The following MINK1 variants were observed in gnomAD, a reference collection of about 807,000 sequenced individuals.
MINK1 encodes the protein misshapen-like kinase 1.
MINK1 carries 46 observed loss-of-function variants against 178.4 expected under a neutral mutation model. The observed-to-expected ratio is 0.26, with a 90% CI of 0.20 to 0.33. The LOEUF (loss-of-function observed/expected upper bound fraction) is 0.33, where lower values mean the gene tolerates loss of function less well. Among genes scored for constraint, MINK1 ranks in the 10% least tolerant of loss-of-function variants. The probability of loss-of-function intolerance (pLI) is 1.00; values close to 1 mark genes in which losing one functional copy is unlikely to be tolerated. For missense variants in MINK1, 1,366 were observed against 1,814.9 expected (o/e 0.75, Z 4.49); for synonymous variants, 797 against 709.7 (o/e 1.12, Z -1.96).
intron 4 of MINK1, among the ~76,000 whole-genome samples, chr17:4,881,541 C>T (rs1168081372): frequency 1.3e-5 from 2 of 152,286 alleles, no homozygotes; most frequent in East Asian, 1.9e-4. Context: ...ACTGTGCGAT[C>T]GGCTCTTAAT....
At chr17:4,858,247 G>A (rs1258937317) in intron 1 of MINK1, among the ~76,000 whole-genome samples, 2 of 151,996 alleles carry the variant, frequency 1.3e-5, no homozygotes, top group African/African-American at 4.8e-5. Flanking sequence ...TGGGCCTTCT[G>A]GATTACAGGA....
chr17:4,891,582 A>C lies in MINK1; in HGVS notation c.1867A>C (p.Ile623Leu), dbSNP rs377766100. ...AGCCTCCCATGACCCCGACCCTGCC[A>C]TCCCCGCACCCACTGCCACGCCCAG... Reference protein sequence around the residue: ...FPASHDPDPAIPAPTATPSAR... With the variant: ...FPASHDPDPALPAPTATPSAR... Residue 623 changes from isoleucine to leucine, a missense_variant, in exon 16 of 32, where the codon ATC (isoleucine) becomes CTC (leucine). Physicochemically the swap from Ile to Leu is conservative, Grantham distance 5. Around this residue, in one of 14 missense-constraint regions of MINK1, gnomAD observed 709 missense variants for 692.3 expected, o/e 1.02. Coordinates refer to ENST00000355280, the MANE Select transcript of MINK1 (RefSeq NM_153827.5). 4 of 1,605,830 alleles carry C rather than the reference A, an allele frequency of 2.5e-6. No homozygotes were observed. Among genetic ancestry groups the C allele is most frequent in the East Asian group, 4.5e-5 (2 of 44,430 alleles).
intron 1 of MINK1, chr17:4,875,018 TATG>T: frequency 7.7e-6 from 4 of 519,668 alleles, no homozygotes; most frequent in Non-Finnish European, 1.5e-5. Flanking sequence ...TTCAGAAAAT[TATG>T]ACCCTAGATC....
At position 4,889,809 on chromosome 17, in the gene MINK1, T is replaced by G. The variant is rs113867245; in HGVS notation, c.1347+46T>G. Reference sequence around the variant, plus strand: ...CCCTGCCCTCCCGCCCTCCCGCTCCTGCTGCCTGCCGCCCCTGCTCCCCGT... The same window carrying G: ...CCCTGCCCTCCCGCCCTCCCGCTCCGGCTGCCTGCCGCCCCTGCTCCCCGT... On this transcript the variant is annotated intron_variant, in intron 13 of 31. Transcript: ENST00000355280. The G allele has an allele frequency of 2.6e-6, 3 of 1,142,668 alleles. No individual in the cohort carries two copies. In the African/African-American group the frequency reaches 7.0e-5, roughly 27 times the overall value. The allele number at this position is 1,142,668 out of a possible 1,614,324, so 70.8% of individuals were successfully genotyped here.
chr17:4,891,840 C>A, intron 16 of MINK1, 124 bp downstream of exon 16: 2 of 1,360,608 alleles, frequency 1.5e-6, no homozygotes, highest in Non-Finnish European at 1.9e-6. Flanking sequence ...AGCCAGGGCG[C>A]TGCCCTGCCG....
In MINK1 at chr17:4,897,235, G is replaced by A; in HGVS notation, c.3947G>A (p.Ser1316Asn). The change falls in exon 32 of 32, where the codon AGC becomes AAC. Residue 1316 changes from serine (S) to asparagine (N), a missense_variant. Physicochemically the swap from Ser to Asn is conservative, Grantham distance 46. This residue lies in a region of MINK1 where 201 missense variants were observed against 240.7 expected (regional missense o/e 0.84). Transcript: ENST00000355280. ...TTTGCCTCAGTCCGCTCTGGGGGCA[G>A]CAGCCAAGTTTACTTCATGACTCTG... ...VFFASVRSGG[S>N]SQVYFMTLNR... 6.2e-7 allele frequency: 1 copy of A among 1,613,758 alleles called. No homozygotes were observed. Among genetic ancestry groups the A allele is most frequent in the South Asian group, 1.1e-5 (1 of 91,080 alleles).
chr17:4,833,654 C>T lies in MINK1; in HGVS notation c.57+14C>T, dbSNP rs1177588983. ...TCCGCCCTGCGGGTGAGCGCGCCGT[C>T]CCCCAGCCTCGCCCTGGTTCCTGTC... On this transcript the variant is annotated intron_variant, in intron 1 of 31. Coordinates refer to ENST00000355280, the MANE Select transcript of MINK1 (RefSeq NM_153827.5). This position sits in a 1 kb window ranked among gnomAD's most constrained non-coding sequence, Gnocchi z 4.8. 3 of 1,487,732 alleles carry T rather than the reference C, an allele frequency of 2.0e-6. No individual in the cohort carries two copies. The Admixed American group carries it at 6.6e-5, about 32-fold the overall frequency. The allele number at this position is 1,487,732 out of a possible 1,614,324, so 92.2% of individuals were successfully genotyped here.
intron 1 of MINK1, among the ~76,000 whole-genome samples, chr17:4,869,759 T>TTC (rs1915612523): frequency 1.3e-5 from 2 of 150,514 alleles, no homozygotes; most frequent in African/African-American, 4.8e-5. Flanking sequence ...CTTTTTTTTT[T>TTC]TGTCTTTTTA....
At position 4,839,939 on chromosome 17, in the gene MINK1, A is replaced by G. The variant is rs201793975; in HGVS notation, c.57+6299A>G. 3.6e-4 allele frequency among the ~76,000 whole-genome samples: 51 copies of G among 141,994 alleles called. No homozygotes were observed. In the East Asian group the frequency reaches 8.3e-3, roughly 23 times the overall value. 93.2% of individuals were successfully genotyped at this position (141,994 alleles called of 152,430 possible). A position where few individuals can be genotyped will look rare whatever the true frequency, so the allele number is the denominator to read the frequency against. ...ACATTAATCAAGTAATTATTTATTA[A>G]TGTGTGTGTGTGTGTGTGTGTGTGT... On this transcript the variant is annotated intron_variant, in intron 1 of 31. Coordinates refer to ENST00000355280, the MANE Select transcript of MINK1 (RefSeq NM_153827.5).
intron 13 of MINK1, 45 bp from the exon 14 acceptor site, chr17:4,890,472 A>C: frequency 6.5e-7 from 1 of 1,547,146 alleles, no homozygotes; most frequent in Non-Finnish European, 8.7e-7. Context: ...TCTAACTCCC[A>C]GGGCCACACC....
chr17:4,861,991 C>T (rs575603923), intron 1 of MINK1, among the ~76,000 whole-genome samples: 1 of 152,168 alleles, frequency 6.6e-6, no homozygotes, highest in African/African-American at 2.4e-5. Flanking sequence ...TGTTTTCATT[C>T]GGGCACCCAT....
chr17:4,890,979 A>T lies in MINK1; in HGVS notation c.1595A>T (p.Gln532Leu). The change falls in exon 15 of 32, where the codon CAG (glutamine) becomes CTG (leucine). Residue 532 changes from glutamine to leucine, a missense_variant. Physicochemically the swap from Gln to Leu is moderately radical, Grantham distance 113. Around this residue, in one of 14 missense-constraint regions of MINK1, gnomAD observed 709 missense variants for 692.3 expected, o/e 1.02. Transcript: ENST00000355280. ...GAAGAGAGAACAAGGATGAACAAGC[A>T]GCAGAACTCTCCCTTGGCCAAGAGC... is the stretch of plus-strand genomic sequence containing the variant. ...EVEERTRMNK[Q>L]QNSPLAKSKP... 6.4e-7 allele frequency: 1 copy of T among 1,559,538 alleles called. No homozygotes were observed. The highest frequency in any genetic ancestry group is 1.2e-5 in the South Asian group (1 of 84,414).
chr17:4,845,085 A>G (rs1373077335), intron 1 of MINK1, among the ~76,000 whole-genome samples: 3 of 152,142 alleles, frequency 2.0e-5, no homozygotes, highest in African/African-American at 7.2e-5. Context: ...TGCAGAGTTG[A>G]GCAGAGGGTC....
chr17:4,884,771 G>T, intron 5 of MINK1, 141 bp from the exon 6 acceptor site: 1 of 727,650 alleles, frequency 1.4e-6, no homozygotes, highest in Non-Finnish European at 2.3e-6. Context: ...CAGCTTGCTT[G>T]GGCTCCTGGT....
chr17:4,896,944 C>A lies in MINK1; in HGVS notation c.3915+131C>A. 8.2e-7 allele frequency: 1 copy of A among 1,219,752 alleles called. No individual in the cohort carries two copies. The highest frequency in any genetic ancestry group is 1.1e-6 in the Non-Finnish European group (1 of 894,238). The allele number at this position is 1,219,752 out of a possible 1,614,324, so 75.6% of individuals were successfully genotyped here. A position where few individuals can be genotyped will look rare whatever the true frequency, so the allele number is the denominator to read the frequency against. Reference sequence around the variant, plus strand: ...CGGGCCCCTCTGGGAGCTCAGAGGGCAGTCAGCCACTACCACTGCCCTGCG... The same window carrying A: ...CGGGCCCCTCTGGGAGCTCAGAGGGAAGTCAGCCACTACCACTGCCCTGCG... On this transcript the variant is annotated intron_variant, in intron 31 of 31. Coordinates refer to ENST00000355280, the MANE Select transcript of MINK1 (RefSeq NM_153827.5). This position sits in a 1 kb window ranked among gnomAD's most constrained non-coding sequence, Gnocchi z 4.6.
At chr17:4,867,367 C>T (rs902571242) in intron 1 of MINK1, among the ~76,000 whole-genome samples, 3 of 151,226 alleles carry the variant, frequency 2.0e-5, no homozygotes, top group African/African-American at 4.9e-5. Context: ...AATAGGTACA[C>T]GGTCAGGTAC....
intron 1 of MINK1, among the ~76,000 whole-genome samples, chr17:4,851,999 CAAAAAAAAA>C (rs535581252): frequency 4.3e-5 from 3 of 69,448 alleles, no homozygotes; most frequent in African/African-American, 1.9e-4. Context: ...GACTCTGTCT[CAAAAAAAAA>C]AAAAAAAAAA....
chr17:4,850,011 A>G (rs529384130), intron 1 of MINK1, among the ~76,000 whole-genome samples: 183 of 152,208 alleles, frequency 1.2e-3, no homozygotes, highest in Non-Finnish European at 1.5e-3. Flanking sequence ...CAGTGGCGCA[A>G]GCGTGGCTCA....
chr17:4,886,077 C>T lies in MINK1; in HGVS notation c.695-43C>T, dbSNP rs1348025039. ...CTGCCGAGGAAGGGTCCTGTAGCTC[C>T]CAGTGCAGTGAAAGGGACTGAGGGT... On this transcript the variant is annotated intron_variant, in intron 8 of 31. Coordinates refer to ENST00000355280, the MANE Select transcript of MINK1 (RefSeq NM_153827.5). This position sits in a 1 kb window ranked among gnomAD's most constrained non-coding sequence, Gnocchi z 6.1. The T allele has an allele frequency of 3.1e-6, 5 of 1,611,414 alleles. No individual in the cohort carries two copies. The highest frequency in any genetic ancestry group is 3.3e-4 in the Middle Eastern group (2 of 6,058).
Sources: gnomAD v4.1 joint callset for allele counts (sites outside exome capture counted in the v4.1 genomes callset) on GRCh38, gnomAD v4.1.1 for gene constraint, gnomAD v4.1.1 regional missense constraint, Gnocchi (gnomAD v3.1) non-coding constraint, MANE v1.5 for transcripts, NCBI Gene and HGNC (gene_info 2026-07-23, HGNC 2026-07-21) for gene names.